Variants in PRKAR1B observed in about 807,000 individuals in gnomAD.
The protein encoded by PRKAR1B is cAMP-dependent protein kinase type I-beta regulatory subunit.
PRKAR1B carries 22 observed loss-of-function variants against 46.5 expected under a neutral mutation model. That is an observed-to-expected ratio of 0.47 (90% CI 0.34 to 0.68). PRKAR1B has a LOEUF of 0.68. Among genes scored for constraint, PRKAR1B ranks in the 30% least tolerant of loss-of-function variants. The probability of loss-of-function intolerance (pLI) is 0.01; values close to 1 mark genes in which losing one functional copy is unlikely to be tolerated. For synonymous variants in PRKAR1B, 259 were observed against 217.7 expected (o/e 1.19, Z -1.67); for missense variants, 445 against 535.6 (o/e 0.83, Z 1.67).
At chr7:696,837 C>T (rs778250126) in intron 2 of PRKAR1B, 2 of 152,360 alleles carry the variant, frequency 1.3e-5, no homozygotes, top group Admixed American at 6.6e-5. Flanking sequence ...ACACACAGGC[C>T]GCTTCAGGAG....
chr7:557,776 G>C (rs1024607810), intron 9 of PRKAR1B, among the ~76,000 whole-genome samples: 1 of 152,190 alleles, frequency 6.6e-6, no homozygotes, highest in African/African-American at 2.4e-5. Context: ...CCACGAGGCA[G>C]CACAGACGCT....
chr7:606,165 T>C, intron 6 of PRKAR1B, 28 bp downstream of exon 6: 1 of 1,612,914 alleles, frequency 6.2e-7, no homozygotes, highest in Non-Finnish European at 8.5e-7. Flanking sequence ...GACGCGCTAT[T>C]TTCCAAAGAC....
intron 9 of PRKAR1B, among the ~76,000 whole-genome samples, chr7:557,643 G>A (rs533411258): frequency 8.8e-4 from 134 of 152,286 alleles, no homozygotes; most frequent in Non-Finnish European, 1.6e-3. Context: ...CGACATGGGC[G>A]GCCGCCGCAA....
chr7:677,167 C>A, intron 4 of PRKAR1B, 62 bp downstream of exon 4: 3 of 1,528,652 alleles, frequency 2.0e-6, no homozygotes, highest in Non-Finnish European at 2.7e-6. Context: ...GCGGGACCTG[C>A]CCACCTCCCG....
intron 4 of PRKAR1B, among the ~76,000 whole-genome samples, chr7:635,317 G>A (rs532859190): frequency 6.6e-6 from 1 of 152,346 alleles, no homozygotes; most frequent in Non-Finnish European, 1.5e-5. Flanking sequence ...GACTGGCCCT[G>A]AATGTTCCGG....
chr7:585,644 G>T, intron 7 of PRKAR1B, among the ~76,000 whole-genome samples: 1 of 152,088 alleles, frequency 6.6e-6, no homozygotes, highest in Non-Finnish European at 1.5e-5. Flanking sequence ...GCCCACTCCA[G>T]GTCAGGGAGG....
intron 1 of PRKAR1B, among the ~76,000 whole-genome samples, chr7:715,173 G>A (rs904352324): frequency 6.6e-6 from 1 of 152,078 alleles, no homozygotes; most frequent in Non-Finnish European, 1.5e-5. Flanking sequence ...ACGAAACTCC[G>A]TCTCGAAATA....
chr7:625,879 G>A (rs1342643198), intron 4 of PRKAR1B, among the ~76,000 whole-genome samples: 2 of 151,848 alleles, frequency 1.3e-5, no homozygotes, highest in Admixed American at 6.6e-5. Flanking sequence ...ATGGTGGCAG[G>A]CACCTGTAAT....
At chr7:691,833 A>G (rs908427924) in intron 2 of PRKAR1B, 2 of 1,172,324 alleles carry the variant, frequency 1.7e-6, no homozygotes, top group African/African-American at 1.6e-5. Flanking sequence ...CCAAGTAAAC[A>G]CCTCATCACT....
chr7:672,388 G>T (rs886414751), intron 4 of PRKAR1B, among the ~76,000 whole-genome samples: 1 of 151,796 alleles, frequency 6.6e-6, no homozygotes, highest in Non-Finnish European at 1.5e-5. Flanking sequence ...CTGGCCTCAA[G>T]TGATCTGCCC....
intron 4 of PRKAR1B, among the ~76,000 whole-genome samples, chr7:638,012 C>T (rs975489129): frequency 1.3e-5 from 2 of 152,102 alleles, no homozygotes; most frequent in Non-Finnish European, 2.9e-5. Flanking sequence ...TATGGTGCCC[C>T]GTGTTCTCAT....
chr7:722,096 C>CTTTTTTTTT (rs147399956), intron 1 of PRKAR1B, among the ~76,000 whole-genome samples: 4 of 92,350 alleles, frequency 4.3e-5, no homozygotes, highest in East Asian at 3.8e-4. Context: ...AGTTTTCAGC[C>CTTTTTTTTT]TTTTTTTTTT....
intron 2 of PRKAR1B, among the ~76,000 whole-genome samples, chr7:694,786 A>C (rs1779635075): frequency 6.6e-6 from 1 of 152,196 alleles, no homozygotes; most frequent in Admixed American, 6.5e-5. Context: ...CTGTAATCCC[A>C]GCACTTTGGG....
In PRKAR1B at chr7:549,753, C is replaced by T. The variant is rs1784058202; in HGVS notation, c.*677G>A. ...ACTGGGGTCTACCTGCGGCCGCGGC[C>T]CTGGCTCCCAAGGCAGGAGCCCCGT... On this transcript the variant is annotated 3_prime_UTR_variant, in exon 11 of 11. Coordinates refer to ENST00000537384, the MANE Select transcript of PRKAR1B (RefSeq NM_001164760.2). The T allele has an allele frequency of 6.6e-6, 1 of 152,436 alleles. No homozygotes were observed. The highest frequency in any genetic ancestry group is 1.5e-5 in the Non-Finnish European group (1 of 68,234). 9.4% of individuals were successfully genotyped at this position (152,436 alleles called of 1,614,324 possible).
At chr7:653,296 C>A (rs541263606) in intron 4 of PRKAR1B, among the ~76,000 whole-genome samples, 10 of 152,110 alleles carry the variant, frequency 6.6e-5, no homozygotes, top group Non-Finnish European at 1.2e-4. Flanking sequence ...TTCAACGAGG[C>A]CTTCAAAGAC....
chr7:574,126 T>C (rs1562529115), intron 9 of PRKAR1B, among the ~76,000 whole-genome samples: 1 of 152,262 alleles, frequency 6.6e-6, no homozygotes, highest in Non-Finnish European at 1.5e-5. Context: ...TTTTCATGAT[T>C]TTCCTACACG....
At chr7:631,678 A>G (rs1783749511) in intron 4 of PRKAR1B, among the ~76,000 whole-genome samples, 2 of 152,164 alleles carry the variant, frequency 1.3e-5, no homozygotes, top group Admixed American at 6.5e-5. Flanking sequence ...CGGATGCCAG[A>G]CGCGGTGCCT....
chr7:589,180 T>G (rs900509644), intron 7 of PRKAR1B, among the ~76,000 whole-genome samples: 2 of 151,484 alleles, frequency 1.3e-5, no homozygotes, highest in Admixed American at 1.3e-4. Context: ...TCTTGTCCCC[T>G]CTGGTCTTCG....
In PRKAR1B at chr7:573,521, G is replaced by A. The variant is rs144271842; in HGVS notation, c.891+5735C>T. 1.3e-3 allele frequency among the ~76,000 whole-genome samples: 198 copies of A among 152,212 alleles called. 1 individual carries two copies. The highest frequency in any genetic ancestry group is 4.4e-3 in the African/African-American group (184 of 41,554). On this transcript the variant is annotated intron_variant, in intron 9 of 10. Transcript: ENST00000537384. ...CATCTGACCCCAGCACCCCTCCTGG[G>A]GACTCTGCAGAGAGCCTGTAGAACC...
Sources: gnomAD v4.1 joint callset for allele counts (sites outside exome capture counted in the v4.1 genomes callset) on GRCh38, gnomAD v4.1.1 for gene constraint, MANE v1.5 for transcripts, NCBI Gene and HGNC (gene_info 2026-07-23, HGNC 2026-07-21) for gene names.